The following EML3 variants were observed in gnomAD, a reference collection of about 807,000 sequenced individuals.
EML3 encodes EMAP like 3.
In EML3, 53 loss-of-function variants were observed where a neutral mutation model predicts 106.7. The observed-to-expected ratio is 0.50, with a 90% confidence interval of 0.40 to 0.62. EML3 has a LOEUF of 0.62. Ranked by LOEUF, EML3 falls within the 20% of genes least tolerant of loss-of-function variation. The pLI, the probability that EML3 is intolerant of heterozygous loss-of-function variation, is 0.00. For synonymous variants in EML3, 499 were observed against 489.6 expected (o/e 1.02, Z -0.25); for missense variants, 994 against 1,209.1 (o/e 0.82, Z 2.64).
intron 18 of EML3, 36 bp downstream of exon 18, chr11:62,603,908 G>A: frequency 6.2e-7 from 1 of 1,613,002 alleles, no homozygotes; most frequent in Non-Finnish European, 8.5e-7. Flanking sequence ...TTTCGCAGCT[G>A]TTATCATGCC....
chr11:62,604,831 T>C (rs1942432128), intron 16 of EML3: 1 of 274,508 alleles, frequency 3.6e-6, no homozygotes, highest in African/African-American at 2.2e-5. Context: ...CTTCCCTGTG[T>C]TTGTCTATGC....
rs767864687 is a variant in EML3 at position 62,602,500 on chromosome 11, G to A, written c.2666C>T (p.Ser889Phe). ...TCAAACGTCGAGGGAGGAGGCGGGG[G>A]ACAGGGAGGGGGTTCGAGAGGGCGT... is the stretch of plus-strand genomic sequence containing the variant. Reference protein sequence around the residue: ...PATPSRTPSLSPASSLDV With the variant: ...PATPSRTPSLFPASSLDV The change falls in exon 22 of 22, where the codon TCC (serine) becomes TTC (phenylalanine). Residue 889 changes from serine (S) to phenylalanine (F), a missense_variant. This residue lies in a region of EML3 where 713 missense variants were observed against 920.5 expected (regional missense o/e 0.77). Transcript: ENST00000394773. 2 of 1,527,396 alleles carry A rather than the reference G, an allele frequency of 1.3e-6. No individual in the cohort carries two copies. The highest frequency in any genetic ancestry group is 1.2e-5 in the South Asian group (1 of 81,374). The allele number at this position is 1,527,396 out of a possible 1,614,324, so 94.6% of individuals were successfully genotyped here.
chr11:62,612,306 G>C, intron 1 of EML3, 130 bp downstream of exon 1: 3 of 909,446 alleles, frequency 3.3e-6, no homozygotes, highest in East Asian at 3.1e-5. Context: ...AGGAACTGTG[G>C]AGGATGCTCG....
rs138287391 is a variant in EML3, at chr11:62,604,636, C to A, written c.1983-435G>T. ...CAAGTGATCCACCCGCCTCAGCTCC[C>A]AAAGCGCTAGGATTACAGGCGTGAG... On this transcript the variant is annotated intron_variant, in intron 16 of 21. Coordinates refer to ENST00000394773, the MANE Select transcript of EML3 (RefSeq NM_153265.3). 18 of 224,982 alleles carry A rather than the reference C, an allele frequency of 8.0e-5. No homozygotes were observed. The East Asian group carries it at 1.8e-3, about 22-fold the overall frequency. 13.9% of individuals were successfully genotyped at this position (224,982 alleles called of 1,614,324 possible).
At position 62,610,943 on chromosome 11, in the gene EML3, G is replaced by C; in HGVS notation, c.502C>G (p.Gln168Glu). Reference sequence around the variant, plus strand: ...GAGATTGCCTTCCTGGAGAGCTTCTGCCGAGGCCGCTCTGAGGGGGATGAG... The same window carrying C: ...GAGATTGCCTTCCTGGAGAGCTTCTCCCGAGGCCGCTCTGAGGGGGATGAG... ...SSSSPSERPR[Q>E]KLSRKAISSA... The change falls in exon 4 of 22, where the codon CAG (glutamine) becomes GAG (glutamate). Residue 168 changes from glutamine to glutamate, a missense_variant. Transcript: ENST00000394773. 6.2e-7 allele frequency: 1 copy of C among 1,613,672 alleles called. No homozygotes were observed. Among genetic ancestry groups the C allele is most frequent in the Non-Finnish European group, 8.5e-7 (1 of 1,179,906 alleles).
chr11:62,606,185 C>G lies in EML3; in HGVS notation c.1534G>C (p.Ala512Pro). ...ETYGIVAQAH[A>P]HEGSIFALCL... The stretch of plus-strand genomic sequence containing the variant: ...AAGGCGAAGATAGAACCTTCATGAG[C>G]GTGAGCCTGGGCCACAATCCCATAG... The change falls in exon 13 of 22, where the codon GCT becomes CCT. Residue 512 changes from alanine to proline, a missense_variant. Physicochemically the swap from Ala to Pro is conservative, Grantham distance 27. Transcript: ENST00000394773. The G allele has an allele frequency of 6.2e-7, 1 of 1,613,966 alleles. No individual in the cohort carries two copies. Among genetic ancestry groups the G allele is most frequent in the Non-Finnish European group, 8.5e-7 (1 of 1,180,030 alleles).
Position 62,608,333 on chromosome 11 carries a change from C to T in EML3, c.1111-37G>A, listed in dbSNP as rs12281020. On this transcript the variant is annotated intron_variant, in intron 9 of 21. Transcript: ENST00000394773. ...TGACACATAGGAGGTGCAGAGTGAA[C>T]CCTGGAGGTCCAGGGGTTCATGGTC... The T allele has an allele frequency of 8.0e-5, 128 of 1,590,286 alleles. No homozygotes were observed. In the East Asian group the frequency reaches 2.1e-3, roughly 26 times the overall value.
chr11:62,609,979 C>A (rs1238913631), intron 4 of EML3, among the ~76,000 whole-genome samples: 1 of 152,200 alleles, frequency 6.6e-6, no homozygotes, highest in Admixed American at 6.5e-5. Context: ...GACCACCAGG[C>A]CTCAGTCTCG....
Position 62,610,913 on chromosome 11 carries a change from C to T in EML3, c.532G>A (p.Ala178Thr), listed in dbSNP as rs543507884. Residue 178 changes from alanine to threonine, a missense_variant, in exon 4 of 22, where the codon GCC becomes ACC. By Grantham distance (58) the Ala-to-Thr change is moderately conservative. This residue lies in a region of EML3 where 269 missense variants were observed against 265.1 expected (regional missense o/e 1.01). Transcript: ENST00000394773. ...QKLSRKAISS[A>T]NLLVRSGSTE... Reference sequence around the variant, plus strand: ...CTCCCGGACCGCACTAACAGGTTGGCGGAGGAGATTGCCTTCCTGGAGAGC... The same window carrying T: ...CTCCCGGACCGCACTAACAGGTTGGTGGAGGAGATTGCCTTCCTGGAGAGC... 1.9e-6 allele frequency: 3 copies of T among 1,612,698 alleles called. No homozygotes were observed. Among genetic ancestry groups the T allele is most frequent in the East Asian group, 4.5e-5 (2 of 44,878 alleles).
Position 62,612,703 on chromosome 11 carries a change from TG to T in EML3, c.-247del, listed in dbSNP as rs1942898091. 3.9e-6 allele frequency: 1 copy of T among 258,092 alleles called. No homozygotes were observed. The highest frequency in any genetic ancestry group is 6.4e-5 in the East Asian group (1 of 15,630). The allele number at this position is 258,092 out of a possible 1,614,324, so 16.0% of individuals were successfully genotyped here. A position where few individuals can be genotyped will look rare whatever the true frequency, so the allele number is the denominator to read the frequency against. The stretch of plus-strand genomic sequence containing the variant: ...CGGGGCCGCTCTCGGCTCCCGGGGG[TG>T]GGGTGGCAGGGCCGTCCGGTGCCAC... On this transcript the variant is annotated 5_prime_UTR_variant, in exon 1 of 22. Coordinates refer to ENST00000394773, the MANE Select transcript of EML3 (RefSeq NM_153265.3).
In EML3 at chr11:62,603,181, G is replaced by A. The variant is rs1308280848; in HGVS notation, c.2324C>T (p.Thr775Ile). 1 of 1,614,068 alleles carries A rather than the reference G, an allele frequency of 6.2e-7. No homozygotes were observed. The highest frequency in any genetic ancestry group is 1.7e-5 in the Admixed American group (1 of 60,024). Residue 775 changes from threonine to isoleucine, a missense_variant, in exon 20 of 22, where the codon ACC becomes ATC. Physicochemically the swap from Thr to Ile is moderately conservative, Grantham distance 89 (BLOSUM62 -1). Transcript: ENST00000394773. ...RYESRDREWA[T>I]YTCVLGFHVY... ...GTGAAAGCCCAGCACACAGGTGTAG[G>A]TAGCCCATTCCCGGTCTCGGCTCTC...
chr11:62,611,377 C>G, intron 2 of EML3, 33 bp from the exon 3 acceptor site: 1 of 1,613,524 alleles, frequency 6.2e-7, no homozygotes, highest in Non-Finnish European at 8.5e-7. Flanking sequence ...ACCTGAAGCC[C>G]CAGAGGCCCC....
chr11:62,611,622 G>C, intron 1 of EML3, 26 bp from the exon 2 acceptor site: 1 of 1,602,668 alleles, frequency 6.2e-7, no homozygotes. Context: ...GAGGTACTCA[G>C]AATGTACCCA....
chr11:62,608,323 G>T (rs371143092), intron 9 of EML3, 27 bp from the exon 10 acceptor site: 1 of 1,603,590 alleles, frequency 6.2e-7, no homozygotes. Context: ...CATAGGAGGT[G>T]CAGAGTGAAC....
Position 62,605,328 on chromosome 11 carries a change from T to C in EML3, c.1915-148A>G, listed in dbSNP as rs1019600879. 7.5e-6 allele frequency: 6 copies of C among 795,640 alleles called. No homozygotes were observed. The highest frequency in any genetic ancestry group is 3.0e-5 in the Admixed American group (1 of 32,848). 49.3% of individuals were successfully genotyped at this position (795,640 alleles called of 1,614,324 possible). A position where few individuals can be genotyped will look rare whatever the true frequency, so the allele number is the denominator to read the frequency against. On this transcript the variant is annotated intron_variant, in intron 15 of 21. Coordinates refer to ENST00000394773, the MANE Select transcript of EML3 (RefSeq NM_153265.3). This position sits in a 1 kb window ranked among gnomAD's most constrained non-coding sequence, Gnocchi z 5.2. ...GGGATACCCGGGTATCACTGGAGCC[T>C]GAACAGGGAGTGATACCAAAATATT...
In EML3 at chr11:62,609,138, G is replaced by A. The variant is rs1343604193; in HGVS notation, c.759-6C>T. On this transcript the variant is annotated splice_region_variant and splice_polypyrimidine_tract_variant and intron_variant, in intron 6 of 21. Coordinates refer to ENST00000394773, the MANE Select transcript of EML3 (RefSeq NM_153265.3). ...CACGACCCCTGTACCCATAACTGGG[G>A]TGGAGATCACGGTCAAGGAAAGGGT... 6.2e-7 allele frequency: 1 copy of A among 1,613,800 alleles called. No homozygotes were observed. Among genetic ancestry groups the A allele is most frequent in the Non-Finnish European group, 8.5e-7 (1 of 1,179,992 alleles).
At position 62,603,597 on chromosome 11, in the gene EML3, C is replaced by T. The variant is rs1942358852; in HGVS notation, c.2257+132G>A. On this transcript the variant is annotated intron_variant, in intron 19 of 21. Transcript: ENST00000394773. ...TAGTTGTTTCCAAATCACGAAATTT[C>T]TCCTACATATAATTCCAACTCCACT... The T allele has an allele frequency of 1.7e-4, 127 of 758,318 alleles. No individual in the cohort carries two copies. The South Asian group carries it at 2.1e-3, about 13-fold the overall frequency. The allele number at this position is 758,318 out of a possible 1,614,324, so 47.0% of individuals were successfully genotyped here.
intron 11 of EML3, 115 bp downstream of exon 11, chr11:62,607,551 A>G: frequency 1.5e-6 from 2 of 1,297,006 alleles, no homozygotes; most frequent in East Asian, 2.4e-5. Context: ...AGAAAAAAAA[A>G]AAAAGGTCAC....
chr11:62,612,334 G>A (rs1942872411), intron 1 of EML3, 102 bp downstream of exon 1: 7 of 1,213,178 alleles, frequency 5.8e-6, no homozygotes, highest in African/African-American at 4.7e-5. Context: ...TGGGGCGGAG[G>A]AGCACGCGGG....
Sources: allele counts gnomAD v4.1 joint callset (sites outside exome capture counted in the v4.1 genomes callset), GRCh38; gene constraint gnomAD v4.1.1; regional missense constraint gnomAD v4.1.1; non-coding constraint Gnocchi (gnomAD v3.1); transcripts MANE v1.5; gene names NCBI Gene and HGNC (gene_info 2026-07-23, HGNC 2026-07-21).